Variants in RPS6KC1 observed in about 807,000 individuals in gnomAD.
The protein encoded by RPS6KC1 is ribosomal protein S6 kinase C1.
RPS6KC1 carries 54 observed loss-of-function variants against 103.8 expected under a neutral mutation model. That is an observed-to-expected ratio of 0.52 (90% CI 0.42 to 0.65). The LOEUF (loss-of-function observed/expected upper bound fraction) is 0.65, where lower values mean the gene tolerates loss of function less well. RPS6KC1 is among the 30% of genes least tolerant of loss of function. The pLI, the probability that RPS6KC1 is intolerant of heterozygous loss-of-function variation, is 0.00. For missense variants in RPS6KC1, 1,151 were observed against 1,253.8 expected (o/e 0.92, Z 1.24); for synonymous variants, 439 against 438.7 (o/e 1.00, Z -0.01).
chr1:213,664,744 T>C, the RPS6KC1 span, among the ~76,000 whole-genome samples: 5 of 152,202 alleles, frequency 3.3e-5, no homozygotes, highest in Non-Finnish European at 7.3e-5. Context: ...TTTGTGGGGC[T>C]GAGGAAAGGA....
At chr1:213,337,317 C>T in the RPS6KC1 span, among the ~76,000 whole-genome samples, 5 of 152,310 alleles carry the variant, frequency 3.3e-5, no homozygotes, top group Non-Finnish European at 5.9e-5. Context: ...TGAAGTACAG[C>T]CAGAAGACCT....
Position 213,089,464 on chromosome 1 carries a change from T to TG in RPS6KC1, c.262+11649dup, listed in dbSNP as rs1229820621. Among the ~76,000 whole-genome samples the TG allele has an allele frequency of 2.0e-5, 3 of 150,712 alleles. No individual in the cohort carries two copies. In the South Asian group the frequency reaches 6.3e-4, roughly 32 times the overall value. ...CTCTTTTGACCACCATTTTGCTGTTTGTTTTTTTTTTTTTAAGATGGAGTT... is the reference window on the plus strand; with the variant it reads ...CTCTTTTGACCACCATTTTGCTGTTTGGTTTTTTTTTTTTTAAGATGGAGTT... On this transcript the variant is annotated intron_variant, in intron 3 of 14. Transcript: ENST00000366960.
At chr1:213,638,329 C>T in the RPS6KC1 span, among the ~76,000 whole-genome samples, 2 of 151,994 alleles carry the variant, frequency 1.3e-5, no homozygotes, top group Admixed American at 6.6e-5. Flanking sequence ...TGTAGTTTGT[C>T]ATTTCATTCT....
chr1:213,854,564 C>CTTTCTTTCTCTTTCTT, the RPS6KC1 span, among the ~76,000 whole-genome samples: 1 of 105,676 alleles, frequency 9.5e-6, no homozygotes, highest in South Asian at 3.3e-4. Context: ...TTCTTTCTTT[C>CTTTCTTTCTCTTTCTT]TCTCTCTCTC....
intron 8 of RPS6KC1, among the ~76,000 whole-genome samples, chr1:213,228,388 T>C (rs973531004): frequency 1.2e-4 from 18 of 152,142 alleles, no homozygotes; most frequent in Non-Finnish European, 2.5e-4. Flanking sequence ...TAAGAAGACA[T>C]GTCTGTAGTG....
chr1:213,305,084 T>G, the RPS6KC1 span, among the ~76,000 whole-genome samples: 1 of 152,118 alleles, frequency 6.6e-6, no homozygotes, highest in Admixed American at 6.6e-5. Context: ...CAGTCTGAGA[T>G]TCATGCAAAA....
chr1:213,861,471 G>A, the RPS6KC1 span, among the ~76,000 whole-genome samples: 1 of 152,158 alleles, frequency 6.6e-6, no homozygotes, highest in South Asian at 2.1e-4. Flanking sequence ...TGCAGGGCAA[G>A]GAAAACAAAC....
chr1:213,136,659 C>T (rs1036181642), intron 6 of RPS6KC1, among the ~76,000 whole-genome samples: 3 of 152,078 alleles, frequency 2.0e-5, no homozygotes, highest in East Asian at 1.9e-4. Flanking sequence ...AAACTTTTAA[C>T]GGAAGTATAT....
chr1:213,499,675 T>A, the RPS6KC1 span, among the ~76,000 whole-genome samples: 1 of 151,402 alleles, frequency 6.6e-6, no homozygotes, highest in Admixed American at 6.6e-5. Context: ...CCAGTACTGG[T>A]CCATGGCCTG....
At chr1:213,275,438 A>G (rs1364411491), downstream of RPS6KC1, among the ~76,000 whole-genome samples, 1 of 152,228 alleles carries the variant, frequency 6.6e-6, no homozygotes, top group Non-Finnish European at 1.5e-5. Context: ...AAGATATAAT[A>G]TAAAAATCTA....
the RPS6KC1 span, among the ~76,000 whole-genome samples, chr1:213,514,143 T>C: frequency 6.6e-6 from 1 of 152,232 alleles, no homozygotes; most frequent in Non-Finnish European, 1.5e-5. Context: ...TTAATATCTT[T>C]GTGACTTCTC....
intron 6 of RPS6KC1, among the ~76,000 whole-genome samples, chr1:213,159,629 A>G (rs2090266161): frequency 6.6e-6 from 1 of 152,238 alleles, no homozygotes; most frequent in African/African-American, 2.4e-5. Context: ...TTACAAAATA[A>G]TTACAGGAAA....
At chr1:213,389,361 C>T in the RPS6KC1 span, among the ~76,000 whole-genome samples, 7 of 152,202 alleles carry the variant, frequency 4.6e-5, no homozygotes, top group Admixed American at 2.0e-4. Context: ...GACGGTTCTC[C>T]TGTGGAGTCA....
At chr1:213,502,864 C>A in the RPS6KC1 span, among the ~76,000 whole-genome samples, 77 of 152,110 alleles carry the variant, frequency 5.1e-4, 1 homozygote, top group African/African-American at 1.8e-3. Flanking sequence ...ATTTGAATTA[C>A]TTTGGTAATA....
the RPS6KC1 span, among the ~76,000 whole-genome samples, chr1:213,721,140 G>A: frequency 1.3e-5 from 2 of 152,208 alleles, no homozygotes; most frequent in East Asian, 3.9e-4. Context: ...CTAGACCTGT[G>A]CTTGTCCAGG....
the RPS6KC1 span, among the ~76,000 whole-genome samples, chr1:213,805,506 G>A: frequency 2.0e-5 from 3 of 152,210 alleles, no homozygotes; most frequent in Admixed American, 1.3e-4. Context: ...GCAACTCCTC[G>A]TCCATTCAAA....
intron 3 of RPS6KC1, among the ~76,000 whole-genome samples, chr1:213,099,978 C>A (rs2081867341): frequency 6.6e-6 from 1 of 152,082 alleles, no homozygotes; most frequent in African/African-American, 2.4e-5. Context: ...TGGGTAAATA[C>A]CTAGGAATAT....
At chr1:213,808,312 G>C in the RPS6KC1 span, among the ~76,000 whole-genome samples, 1 of 152,212 alleles carries the variant, frequency 6.6e-6, no homozygotes, top group Non-Finnish European at 1.5e-5. Flanking sequence ...CTTCAAAGCT[G>C]TCAGACAGGG....
the RPS6KC1 span, among the ~76,000 whole-genome samples, chr1:213,475,460 T>C: frequency 1.3e-4 from 20 of 152,358 alleles, no homozygotes; most frequent in Admixed American, 7.8e-4. Context: ...TTCTCTTCTC[T>C]GGACCTGGGT....
Sources: gnomAD v4.1 joint callset for allele counts (sites outside exome capture counted in the v4.1 genomes callset) on GRCh38, gnomAD v4.1.1 for gene constraint, MANE v1.5 for transcripts, NCBI Gene and HGNC (gene_info 2026-07-23, HGNC 2026-07-21) for gene names.